PPFIBP1: variants seen among roughly 807,000 people sequenced by gnomAD.
PPFIBP1 encodes PPFIB scaffold protein 1, also known as liprin-beta-1.
In PPFIBP1, 112 loss-of-function variants were observed where a neutral mutation model predicts 137.8. That is an observed-to-expected ratio of 0.81 (90% CI 0.70 to 0.95). The LOEUF (loss-of-function observed/expected upper bound fraction) is 0.95, where lower values mean the gene tolerates loss of function less well. Among genes scored for constraint, PPFIBP1 ranks in the 40% least tolerant of loss-of-function variants. The pLI is 0.00. For synonymous variants in PPFIBP1, 378 were observed against 417.3 expected (o/e 0.91, Z 1.15); for missense variants, 1,083 against 1,196.6 (o/e 0.91, Z 1.40).
chr12:27,634,822 T>C, intron 3 of PPFIBP1, 88 bp from the exon 4 acceptor site: 1 of 1,031,208 alleles, frequency 9.7e-7, no homozygotes, highest in East Asian at 2.4e-5. Context: ...TGTTCCTTAC[T>C]GTGACTAGAC....
chr12:27,688,941 A>C (rs1280287078), intron 26 of PPFIBP1, 74 bp from the exon 27 acceptor site: 1 of 1,490,716 alleles, frequency 6.7e-7, no homozygotes, highest in African/African-American at 1.4e-5. Context: ...AAGCTTTGCA[A>C]ATTATAAAGC....
At chr12:27,692,695 A>T in intron 29 of PPFIBP1, 39 bp downstream of exon 29, 1 of 1,613,956 alleles carries the variant, frequency 6.2e-7, no homozygotes, top group Non-Finnish European at 8.5e-7. Flanking sequence ...TATTCTATAA[A>T]TGTCTTTTAT....
At chr12:27,546,616 C>T (rs1340396100) in intron 1 of PPFIBP1, among the ~76,000 whole-genome samples, 1 of 152,164 alleles carries the variant, frequency 6.6e-6, no homozygotes, top group African/African-American at 2.4e-5. Flanking sequence ...CTCCTGATTC[C>T]TGCATTGGCC....
rs369361296 is a variant in PPFIBP1 at position 27,596,500 on chromosome 12, C to A, written c.-36+18261C>A. ...AAGTCAGAAGTAACATGTTCCCCAGCATTTATTTTATTTTGTTTTATTATT... is the reference window on the plus strand; with the variant it reads ...AAGTCAGAAGTAACATGTTCCCCAGAATTTATTTTATTTTGTTTTATTATT... On this transcript the variant is annotated intron_variant, in intron 2 of 29. Coordinates refer to ENST00000228425, the MANE Select transcript of PPFIBP1 (RefSeq NM_003622.4). Among the ~76,000 whole-genome samples, 86 of 152,160 alleles carry A rather than the reference C, an allele frequency of 5.7e-4. 3 individuals are homozygous for A. In the East Asian group the frequency reaches 0.011, roughly 20 times the overall value.
At chr12:27,658,754 A>T (rs1380394122) in intron 9 of PPFIBP1, 62 bp from the exon 10 acceptor site, 16 of 1,512,102 alleles carry the variant, frequency 1.1e-5, no homozygotes, top group South Asian at 1.0e-4. Context: ...GTAGTGATTT[A>T]AAAATATTAC....
intron 21 of PPFIBP1, 126 bp downstream of exon 21, chr12:27,680,187 G>A (rs2060797117): frequency 7.7e-7 from 1 of 1,306,886 alleles, no homozygotes; most frequent in Non-Finnish European, 1.0e-6. Flanking sequence ...TAATGAAAGG[G>A]GCCATCATCT....
rs139213373 is a variant in PPFIBP1, at chr12:27,576,293, C to T, written c.-123-1859C>T. 3.2e-3 allele frequency among the ~76,000 whole-genome samples: 492 copies of T among 152,244 alleles called. 2 individuals are homozygous for T. Among genetic ancestry groups the T allele is most frequent in the African/African-American group, 0.011 (442 of 41,534 alleles). On this transcript the variant is annotated intron_variant, in intron 1 of 29. Transcript: ENST00000228425. ...GCCAAGAGCCCTGATCCAGGTGAAGCGTGTAAACCTTGCACATGGAATTCC... is the reference window on the plus strand; with the variant it reads ...GCCAAGAGCCCTGATCCAGGTGAAGTGTGTAAACCTTGCACATGGAATTCC...
At chr12:27,627,817 A>AC (rs1282587757) in intron 2 of PPFIBP1, among the ~76,000 whole-genome samples, 20 of 95,332 alleles carry the variant, frequency 2.1e-4, no homozygotes, top group African/African-American at 7.8e-4. Context: ...TTGGTTACCC[A>AC]CCCCCCGCCC....
chr12:27,581,175 G>T (rs149821558), intron 2 of PPFIBP1, among the ~76,000 whole-genome samples: 1 of 152,180 alleles, frequency 6.6e-6, no homozygotes, highest in Non-Finnish European at 1.5e-5. Flanking sequence ...GATTATAAGC[G>T]TGAGCCACTG....
chr12:27,663,065 T>C (rs1393409878), intron 11 of PPFIBP1, among the ~76,000 whole-genome samples: 3 of 152,102 alleles, frequency 2.0e-5, no homozygotes, highest in Admixed American at 1.3e-4. Flanking sequence ...ACATGTCCAG[T>C]GATTGACAGC....
At chr12:27,556,380 G>A (rs1488851015) in intron 1 of PPFIBP1, among the ~76,000 whole-genome samples, 1 of 152,200 alleles carries the variant, frequency 6.6e-6, no homozygotes, top group Non-Finnish European at 1.5e-5. Context: ...ATCATAGAGT[G>A]AAAAACCAGT....
intron 27 of PPFIBP1, among the ~76,000 whole-genome samples, chr12:27,691,140 A>G (rs527830790): frequency 1.3e-4 from 19 of 147,966 alleles, no homozygotes; most frequent in Middle Eastern, 3.4e-3. Context: ...TTATGGAAGC[A>G]GAATAGGCAT....
At chr12:27,572,339 G>A (rs180910446) in intron 1 of PPFIBP1, among the ~76,000 whole-genome samples, 2 of 152,232 alleles carry the variant, frequency 1.3e-5, no homozygotes, top group East Asian at 3.9e-4. Flanking sequence ...CTCTACATAT[G>A]TTTACTTTTA....
intron 27 of PPFIBP1, 54 bp downstream of exon 27, chr12:27,689,257 G>C (rs891295492): frequency 2.0e-6 from 3 of 1,473,116 alleles, no homozygotes; most frequent in Non-Finnish European, 2.7e-6. Flanking sequence ...GCAACGTTTT[G>C]TCGGTTACCT....
intron 11 of PPFIBP1, among the ~76,000 whole-genome samples, chr12:27,662,455 GACAA>G (rs1179151522): frequency 1.3e-5 from 2 of 152,220 alleles, no homozygotes; most frequent in African/African-American, 4.8e-5. Context: ...AGTGAAGACA[GACAA>G]ACAGTTAAGA....
chr12:27,633,835 C>CT (rs56705005), intron 3 of PPFIBP1, among the ~76,000 whole-genome samples: 18,354 of 112,568 alleles, frequency 0.16, 2,275 homozygotes, highest in Non-Finnish European at 0.23. Context: ...ACTCCCGTAT[C>CT]TTTTTTTTTT....
chr12:27,687,528 T>A, intron 25 of PPFIBP1, 21 bp downstream of exon 25: 2 of 1,611,570 alleles, frequency 1.2e-6, no homozygotes, highest in Non-Finnish European at 1.7e-6. Context: ...AAGATTGAGG[T>A]TTATAAGCAT....
intron 1 of PPFIBP1, among the ~76,000 whole-genome samples, chr12:27,574,493 A>C (rs185855837): frequency 6.6e-6 from 1 of 152,316 alleles, no homozygotes; most frequent in Non-Finnish European, 1.5e-5. Context: ...ATGCTAAAAA[A>C]TAAAGAATGA....
intron 18 of PPFIBP1, 115 bp downstream of exon 18, chr12:27,676,714 G>A (rs1345060537): frequency 5.2e-6 from 6 of 1,145,174 alleles, no homozygotes; most frequent in Non-Finnish European, 6.2e-6. Context: ...CAGAAACGAA[G>A]GTGAATGACT....
Sources: allele counts gnomAD v4.1 joint callset (sites outside exome capture counted in the v4.1 genomes callset), GRCh38; gene constraint gnomAD v4.1.1; transcripts MANE v1.5; gene names NCBI Gene and HGNC (gene_info 2026-07-23, HGNC 2026-07-21).